The following IST1 variants were observed in gnomAD, a reference collection of about 807,000 sequenced individuals.
IST1 encodes the protein IST1 factor associated with ESCRT-III, also known as IST1 homolog.
In IST1, 23 loss-of-function variants were observed where a neutral mutation model predicts 37.0. That is an observed-to-expected ratio of 0.62 (90% confidence interval 0.45 to 0.88). IST1 has a LOEUF of 0.88. Among genes scored for constraint, IST1 ranks in the 40% least tolerant of loss-of-function variants. The pLI is 0.00. For missense variants in IST1, 488 were observed against 445.4 expected (o/e 1.10, Z -0.86); for synonymous variants, 180 against 161.7 (o/e 1.11, Z -0.86).
intron 7 of IST1, among the ~76,000 whole-genome samples, 166 bp from the exon 8 acceptor site, chr16:71,923,122 G>C (rs1446994606): frequency 2.0e-5 from 3 of 152,092 alleles, no homozygotes; most frequent in Non-Finnish European, 4.4e-5. Context: ...TAAAAATCTG[G>C]AATCCTGACC....
intron 9 of IST1, 99 bp from the exon 10 acceptor site, chr16:71,927,515 A>T (rs2037773642): frequency 2.3e-6 from 2 of 868,970 alleles, no homozygotes; most frequent in Admixed American, 4.5e-5. Flanking sequence ...TTGTGAACTA[A>T]GGTTTTCTCC....
chr16:71,914,923 G>A (rs928568186), intron 1 of IST1, among the ~76,000 whole-genome samples: 4 of 152,186 alleles, frequency 2.6e-5, no homozygotes, highest in Non-Finnish European at 5.9e-5. Flanking sequence ...AGTCTTGCGG[G>A]TAGAGGACGG....
chr16:71,905,525 C>T (rs941814699), intron 1 of IST1, among the ~76,000 whole-genome samples: 2 of 150,922 alleles, frequency 1.3e-5, no homozygotes, highest in Admixed American at 6.6e-5. Flanking sequence ...ATTACAGGCG[C>T]CCACCACCAT....
intron 6 of IST1, 129 bp from the exon 7 acceptor site, chr16:71,922,345 C>A (rs2037612669): frequency 2.0e-5 from 15 of 757,424 alleles, no homozygotes; most frequent in Non-Finnish European, 3.2e-5. Flanking sequence ...CTTTTCTTCC[C>A]CCACAGGTGT....
chr16:71,907,241 T>A (rs1487604029), intron 1 of IST1, among the ~76,000 whole-genome samples: 1 of 151,980 alleles, frequency 6.6e-6, no homozygotes, highest in Non-Finnish European at 1.5e-5. Flanking sequence ...AAATAATGTT[T>A]TTAAAGAATA....
intron 1 of IST1, among the ~76,000 whole-genome samples, chr16:71,901,666 G>A (rs1035661158): frequency 2.0e-5 from 3 of 152,120 alleles, no homozygotes; most frequent in African/African-American, 7.2e-5. Context: ...AATAGGAGTT[G>A]AAAAATCCTC....
At chr16:71,911,588 A>G (rs754866802) in intron 1 of IST1, among the ~76,000 whole-genome samples, 1 of 152,170 alleles carries the variant, frequency 6.6e-6, no homozygotes, top group Non-Finnish European at 1.5e-5. Context: ...ATCCCATAAA[A>G]TAGATGTGTC....
Position 71,904,076 on chromosome 16 carries a change from A to G in IST1, c.-16+8487A>G, listed in dbSNP as rs373945775. On this transcript the variant is annotated intron_variant, in intron 1 of 9. Transcript: ENST00000378799. ...CCTGGTTTTCCTTTCTCTGAAGTCT[A>G]CTTTGTCTGATTTTAATGTAACCCC... 1.6e-4 allele frequency among the ~76,000 whole-genome samples: 24 copies of G among 151,946 alleles called. 1 individual carries two copies. Among genetic ancestry groups the G allele is most frequent in the Admixed American group, 9.8e-4 (15 of 15,250 alleles).
At chr16:71,899,164 C>T (rs1204857018) in intron 1 of IST1, among the ~76,000 whole-genome samples, 2 of 152,118 alleles carry the variant, frequency 1.3e-5, no homozygotes, top group Non-Finnish European at 2.9e-5. Context: ...ACACATGATG[C>T]TGTTGATCTT....
intron 1 of IST1, among the ~76,000 whole-genome samples, chr16:71,912,956 G>C (rs1453225094): frequency 6.6e-6 from 1 of 152,136 alleles, no homozygotes; most frequent in East Asian, 1.9e-4. Flanking sequence ...AGGCTGATTA[G>C]TACTCTGTTG....
intron 9 of IST1, 29 bp from the exon 10 acceptor site, chr16:71,927,579 GGTATTT>G: frequency 7.0e-7 from 1 of 1,427,056 alleles, no homozygotes; most frequent in Non-Finnish European, 9.9e-7. Context: ...TCATTTCTCT[GGTATTT>G]GTAACGTTGT....
At chr16:71,917,359 C>A (rs1345403035) in intron 4 of IST1, among the ~76,000 whole-genome samples, 2 of 152,074 alleles carry the variant, frequency 1.3e-5, no homozygotes, top group African/African-American at 4.8e-5. Context: ...TTTTGTGTAT[C>A]TCCAGTTTTG....
At chr16:71,906,895 T>C (rs769594536) in intron 1 of IST1, among the ~76,000 whole-genome samples, 3 of 152,150 alleles carry the variant, frequency 2.0e-5, no homozygotes, top group Non-Finnish European at 4.4e-5. Flanking sequence ...TGGGTACGGT[T>C]GTCTCATGCC....
In IST1 at chr16:71,919,805, C is replaced by G. The variant is rs186030284; in HGVS notation, c.358-934C>G. 1.2e-4 allele frequency among the ~76,000 whole-genome samples: 18 copies of G among 152,302 alleles called. No homozygotes were observed. The East Asian group carries it at 2.5e-3, about 21-fold the overall frequency. On this transcript the variant is annotated intron_variant, in intron 4 of 9. Transcript: ENST00000378799. ...AGCTGGTGATAGCATGGTGCACCTT[C>G]CCTTGGTATCACTTACTGTAGTTGC...
Position 71,930,249 on chromosome 16 carries a change from ATAT to A in IST1, c.*2437_*2439del. 9 of 1,426,240 alleles carry A rather than the reference ATAT, an allele frequency of 6.3e-6. No individual in the cohort carries two copies. The highest frequency in any genetic ancestry group is 8.4e-6 in the Non-Finnish European group (9 of 1,073,954). 88.3% of individuals were successfully genotyped at this position (1,426,240 alleles called of 1,614,324 possible). On this transcript the variant is annotated 3_prime_UTR_variant, in exon 10 of 10. Transcript: ENST00000378799. ...AGTTTATACTTTACAAACATAAGCTATATGCTAGTGTTTGGGATCTTATCAGAA... is the reference window on the plus strand; with the variant it reads ...AGTTTATACTTTACAAACATAAGCTAGCTAGTGTTTGGGATCTTATCAGAA...
intron 7 of IST1, chr16:71,922,973 T>A (rs1161631029): frequency 1.4e-5 from 7 of 497,696 alleles, no homozygotes; most frequent in Non-Finnish European, 2.1e-5. Context: ...CACAAATGAA[T>A]AAACCACCAA....
At chr16:71,896,777 G>GC (rs2036981006) in intron 1 of IST1, among the ~76,000 whole-genome samples, 1 of 152,010 alleles carries the variant, frequency 6.6e-6, no homozygotes, top group African/African-American at 2.4e-5. Flanking sequence ...CTTGGGAGTT[G>GC]GAGAACAGCG....
At chr16:71,923,946 C>G (rs1347059138) in intron 8 of IST1, 2 of 343,510 alleles carry the variant, frequency 5.8e-6, no homozygotes, top group Non-Finnish European at 5.7e-6. Flanking sequence ...TCTTCAGTTA[C>G]TGTAGGCCTT....
At position 71,927,905 on chromosome 16, in the gene IST1, C is replaced by T; in HGVS notation, c.*92C>T. ...GAATCTCCATGAAATTCTGTTTCATCTGTTAACCGTCACTCAGCACAACAC... is the reference window on the plus strand; with the variant it reads ...GAATCTCCATGAAATTCTGTTTCATTTGTTAACCGTCACTCAGCACAACAC... On this transcript the variant is annotated 3_prime_UTR_variant, in exon 10 of 10. Coordinates refer to ENST00000378799, the MANE Select transcript of IST1 (RefSeq NM_001270975.2). The T allele has an allele frequency of 1.1e-6, 1 of 913,720 alleles. No homozygotes were observed. The highest frequency in any genetic ancestry group is 1.8e-6 in the Non-Finnish European group (1 of 568,898). The allele number at this position is 913,720 out of a possible 1,614,324, so 56.6% of individuals were successfully genotyped here. A position where few individuals can be genotyped will look rare whatever the true frequency, so the allele number is the denominator to read the frequency against.
Sources: gnomAD v4.1 joint callset for allele counts (sites outside exome capture counted in the v4.1 genomes callset) on GRCh38, gnomAD v4.1.1 for gene constraint, MANE v1.5 for transcripts, NCBI Gene and HGNC (gene_info 2026-07-23, HGNC 2026-07-21) for gene names.